The following PRDM5 variants were observed in gnomAD, a reference collection of about 807,000 sequenced individuals.
PRDM5 encodes PR domain zinc finger protein 5.
A neutral mutation model predicts 81.2 loss-of-function variants in PRDM5; 56 were observed. The ratio of observed to expected loss-of-function variants is 0.69; its 90% CI spans 0.56 to 0.86. The LOEUF (loss-of-function observed/expected upper bound fraction) is 0.86. Among genes scored for constraint, PRDM5 ranks in the 40% least tolerant of loss-of-function variants. The pLI is 0.00. For synonymous variants in PRDM5, 267 were observed against 256.4 expected, an observed-to-expected ratio of 1.04 and a Z score of -0.39; for missense variants, 697 against 770.1, an observed-to-expected ratio of 0.91 and a Z score of 1.12.
rs185489174 is a variant in PRDM5, at chr4:120,787,678, A to G, written c.1189-2587T>C. Among the ~76,000 whole-genome samples the G allele has an allele frequency of 1.2e-3, 182 of 152,344 alleles. 1 individual carries two copies. The highest frequency in any genetic ancestry group is 4.1e-3 in the African/African-American group (172 of 41,588). On this transcript the variant is annotated intron_variant, in intron 10 of 15. Transcript: ENST00000264808. ...GAGACACAAAAAGAAGGAGGCAAGC[A>G]TGACTCCAAGATTTGTGATCTGAGC... is the stretch of plus-strand genomic sequence containing the variant.
chr4:120,922,363 G>A (rs982295235), intron 1 of PRDM5, among the ~76,000 whole-genome samples, 153 bp downstream of exon 1: 6 of 151,780 alleles, frequency 4.0e-5, no homozygotes, highest in Non-Finnish European at 8.8e-5. Flanking sequence ...CGTGCCCCGC[G>A]GTCCCCGGCC....
At chr4:120,732,703 C>T (rs888052254) in intron 14 of PRDM5, among the ~76,000 whole-genome samples, 1 of 152,110 alleles carries the variant, frequency 6.6e-6, no homozygotes, top group African/African-American at 2.4e-5. Context: ...TCTAACCTAA[C>T]CTGTTATTCA....
downstream of PRDM5, chr4:120,691,908 C>A (rs564489446): frequency 2.6e-5 from 4 of 151,666 alleles, no homozygotes; most frequent in Non-Finnish European, 5.9e-5. Flanking sequence ...AATGCTAACA[C>A]CAAGTCTGGT....
intron 1 of PRDM5, among the ~76,000 whole-genome samples, chr4:120,918,634 T>C (rs1579243038): frequency 8.6e-6 from 1 of 116,254 alleles, no homozygotes; most frequent in Non-Finnish European, 1.9e-5. Flanking sequence ...TTACGTCAGG[T>C]ATTTTTTTTT....
At chr4:120,687,947 A>G (rs907472430), downstream of PRDM5, among the ~76,000 whole-genome samples, 1 of 152,142 alleles carries the variant, frequency 6.6e-6, no homozygotes, top group South Asian at 2.1e-4. Flanking sequence ...TAAATTATCA[A>G]GTCTTAGGTA....
intron 2 of PRDM5, among the ~76,000 whole-genome samples, chr4:120,855,428 A>C (rs771703279): frequency 5.9e-5 from 9 of 152,216 alleles, no homozygotes; most frequent in Non-Finnish European, 1.0e-4. Context: ...ACTCTCACTG[A>C]AAAGATCTGC....
intron 7 of PRDM5, 103 bp from the exon 8 acceptor site, chr4:120,811,552 A>C (rs1324470431): frequency 1.5e-6 from 1 of 683,250 alleles, no homozygotes; most frequent in African/African-American, 1.8e-5. Flanking sequence ...ATAATTTAGA[A>C]TTCTAAACAA....
Position 120,775,266 on chromosome 4 carries a change from A to G in PRDM5, c.1537+1922T>C, listed in dbSNP as rs370931998. 8.5e-5 allele frequency among the ~76,000 whole-genome samples: 13 copies of G among 152,218 alleles called. No individual in the cohort carries two copies. The East Asian group carries it at 1.3e-3, about 16-fold the overall frequency. ...CATAAGACAACAAAAACCATGACATATATTTAATAATTTTATCAGAGAGAA... is the reference window on the plus strand; with the variant it reads ...CATAAGACAACAAAAACCATGACATGTATTTAATAATTTTATCAGAGAGAA... On this transcript the variant is annotated intron_variant, in intron 13 of 15. Transcript: ENST00000264808.
intron 2 of PRDM5, among the ~76,000 whole-genome samples, chr4:120,856,164 C>T (rs1410738065): frequency 6.6e-6 from 1 of 152,186 alleles, no homozygotes; most frequent in Non-Finnish European, 1.5e-5. Context: ...GACATATGCA[C>T]TTCCTGTCTA....
chr4:120,838,909 TG>T (rs1757673359), intron 3 of PRDM5: 1 of 367,202 alleles, frequency 2.7e-6, no homozygotes, highest in Non-Finnish European at 5.1e-6. Context: ...AGAGTGAGTG[TG>T]GGGTCTGGCC....
intron 13 of PRDM5, among the ~76,000 whole-genome samples, chr4:120,767,929 T>C (rs1746627111): frequency 6.6e-6 from 1 of 152,184 alleles, no homozygotes; most frequent in Non-Finnish European, 1.5e-5. Flanking sequence ...TGCCGCCATG[T>C]AAAATGTGAC....
chr4:120,719,437 T>G (rs980832560), intron 14 of PRDM5, among the ~76,000 whole-genome samples: 1 of 152,248 alleles, frequency 6.6e-6, no homozygotes, highest in Non-Finnish European at 1.5e-5. Context: ...TCACGGTTTC[T>G]TTATTTATCA....
At chr4:120,736,341 C>A (rs765189765) in intron 14 of PRDM5, among the ~76,000 whole-genome samples, 4 of 151,916 alleles carry the variant, frequency 2.6e-5, no homozygotes, top group Non-Finnish European at 4.4e-5. Flanking sequence ...GAGCAGGTAT[C>A]TTTTTGATAT....
At chr4:120,792,110 C>A (rs1196095989) in intron 10 of PRDM5, among the ~76,000 whole-genome samples, 3 of 152,190 alleles carry the variant, frequency 2.0e-5, no homozygotes, top group Non-Finnish European at 4.4e-5. Context: ...AAACCCATTA[C>A]AAACTGTGAC....
At chr4:120,691,012 C>T (rs1392274363), downstream of PRDM5, among the ~76,000 whole-genome samples, 4 of 151,920 alleles carry the variant, frequency 2.6e-5, no homozygotes, top group Admixed American at 2.6e-4. Context: ...GCTAAACATG[C>T]TAATCAAATA....
chr4:120,852,463 A>G (rs1759380298), intron 3 of PRDM5, among the ~76,000 whole-genome samples: 1 of 152,138 alleles, frequency 6.6e-6, no homozygotes, highest in African/African-American at 2.4e-5. Context: ...ACCCCAGAGT[A>G]AGAGAGAATT....
chr4:120,901,512 G>T (rs1418144562), intron 2 of PRDM5, among the ~76,000 whole-genome samples: 1 of 152,096 alleles, frequency 6.6e-6, no homozygotes, highest in Admixed American at 6.5e-5. Flanking sequence ...TGCAGGTGAC[G>T]CACACGGCTC....
chr4:120,921,618 AC>A (rs1311740364), intron 1 of PRDM5, among the ~76,000 whole-genome samples: 1 of 152,060 alleles, frequency 6.6e-6, no homozygotes, highest in Non-Finnish European at 1.5e-5. Context: ...TCTTGCCCAA[AC>A]CTCCATCTTA....
intron 15 of PRDM5, among the ~76,000 whole-genome samples, chr4:120,696,575 C>G (rs1361569269): frequency 6.6e-6 from 1 of 152,104 alleles, no homozygotes; most frequent in African/African-American, 2.4e-5. Flanking sequence ...ACCAAGTATG[C>G]CTTTTAAATT....
Sources: gnomAD v4.1 joint callset for allele counts (sites outside exome capture counted in the v4.1 genomes callset) on GRCh38, gnomAD v4.1.1 for gene constraint, MANE v1.5 for transcripts, NCBI Gene and HGNC (gene_info 2026-07-23, HGNC 2026-07-21) for gene names.